Variants in LARP1B observed in about 807,000 individuals in gnomAD.
LARP1B encodes the protein la-related protein 1B.
A neutral mutation model predicts 114.2 loss-of-function variants in LARP1B; 76 were observed. The observed-to-expected ratio is 0.67, with a 90% CI of 0.55 to 0.81. The LOEUF is 0.81. Among genes scored for constraint, LARP1B ranks in the 30% least tolerant of loss-of-function variants. The pLI is 0.00. For missense variants in LARP1B, 1,014 were observed against 1,075.8 expected (o/e 0.94, Z 0.80); for synonymous variants, 345 against 348.0 (o/e 0.99, Z 0.10).
intron 11 of LARP1B, among the ~76,000 whole-genome samples, chr4:128,126,233 T>C (rs541562763): frequency 4.0e-5 from 6 of 150,998 alleles, no homozygotes; most frequent in African/African-American, 1.2e-4. Context: ...GTGATTCTCC[T>C]GCCTCAGCCT....
chr4:128,150,913 T>C (rs1333075543), intron 11 of LARP1B, among the ~76,000 whole-genome samples: 1 of 152,226 alleles, frequency 6.6e-6, no homozygotes, highest in African/African-American at 2.4e-5. Flanking sequence ...AAGCTTCTTC[T>C]TTCTAGTCAG....
chr4:128,079,916 C>A (rs1015211194), intron 4 of LARP1B, among the ~76,000 whole-genome samples: 1 of 151,936 alleles, frequency 6.6e-6, no homozygotes, highest in East Asian at 1.9e-4. Flanking sequence ...TTCCTACATA[C>A]GTAAGTAGTG....
At chr4:128,102,795 G>A (rs1197147266) in intron 8 of LARP1B, among the ~76,000 whole-genome samples, 6 of 152,112 alleles carry the variant, frequency 3.9e-5, no homozygotes, top group Admixed American at 3.3e-4. Context: ...TTAAAATATA[G>A]CAAATAATAC....
chr4:128,178,551 C>A lies in LARP1B; in HGVS notation c.1805C>A (p.Pro602His). Reference sequence around the variant, plus strand: ...CCTAGAATTCATCCTACAAGAACACCCAAAACACCTCGAACACCTAGGTTA... The same window carrying A: ...CCTAGAATTCATCCTACAAGAACACACAAAACACCTCGAACACCTAGGTTA... ...ESPRIHPTRT[P>H]KTPRTPRLQD... Residue 602 changes from proline to histidine, a missense_variant, in exon 14 of 20, where the codon CCC (proline) becomes CAC (histidine). Coordinates refer to ENST00000326639, the MANE Select transcript of LARP1B (RefSeq NM_018078.4). 1 of 1,613,980 alleles carries A rather than the reference C, an allele frequency of 6.2e-7. No individual in the cohort carries two copies.
intron 15 of LARP1B, among the ~76,000 whole-genome samples, chr4:128,196,612 G>A (rs780855675): frequency 6.7e-6 from 1 of 148,342 alleles, no homozygotes; most frequent in East Asian, 2.0e-4. Context: ...TTTTTTTTTC[G>A]GACACGGAGT....
At chr4:128,219,386 GA>G (rs1314905605) in intron 6 of LARP1B, among the ~76,000 whole-genome samples, 6 of 72,218 alleles carry the variant, frequency 8.3e-5, no homozygotes, top group African/African-American at 3.3e-4. Context: ...CAAAGACTTG[GA>G]ACCAACCCAA....
At chr4:128,065,777 ATATT>A in intron 1 of LARP1B, among the ~76,000 whole-genome samples, 1 of 152,028 alleles carries the variant, frequency 6.6e-6, no homozygotes, top group Non-Finnish European at 1.5e-5. Context: ...TTCCATTTAT[ATATT>A]TATTTAATAT....
intron 10 of LARP1B, among the ~76,000 whole-genome samples, chr4:128,115,181 C>A (rs911153029): frequency 1.2e-4 from 19 of 152,274 alleles, no homozygotes; most frequent in African/African-American, 4.3e-4. Flanking sequence ...CATGATCCGC[C>A]CGCCTCGTCC....
intron 11 of LARP1B, chr4:128,122,726 T>G (rs1167964827): frequency 7.8e-7 from 1 of 1,275,498 alleles, no homozygotes; most frequent in Non-Finnish European, 9.9e-7. Flanking sequence ...TCTCTCTTGG[T>G]CTAGTCATTA....
intron 7 of LARP1B, among the ~76,000 whole-genome samples, chr4:128,094,148 A>G (rs1776975037): frequency 6.6e-6 from 1 of 151,194 alleles, no homozygotes; most frequent in Non-Finnish European, 1.5e-5. Flanking sequence ...GCTGGTCTCG[A>G]ACTCCTGACC....
In LARP1B at chr4:128,096,880, G is replaced by A. The variant is rs567147552; in HGVS notation, c.669-1306G>A. ...CTCCCAAAGTGCTGGGATTACAGGC[G>A]TGAGCCACCATGCCTGGCTAACGTC... is the stretch of plus-strand genomic sequence containing the variant. On this transcript the variant is annotated intron_variant, in intron 7 of 19. Coordinates refer to ENST00000326639, the MANE Select transcript of LARP1B (RefSeq NM_018078.4). Among the ~76,000 whole-genome samples, 16 of 152,064 alleles carry A rather than the reference G, an allele frequency of 1.1e-4. No homozygotes were observed. In the East Asian group the frequency reaches 2.7e-3, roughly 26 times the overall value.
intron 7 of LARP1B, chr4:128,093,106 G>A: frequency 5.4e-6 from 5 of 934,494 alleles, no homozygotes; most frequent in Non-Finnish European, 6.4e-6. Flanking sequence ...TTTTTTTGTT[G>A]TTGTTCTAGC....
intron 6 of LARP1B, among the ~76,000 whole-genome samples, chr4:128,219,703 C>A (rs887910071): frequency 2.8e-5 from 4 of 141,406 alleles, no homozygotes; most frequent in African/African-American, 7.9e-5. Flanking sequence ...CTAGATGACG[C>A]GTTAGTGGGT....
chr4:128,107,810 T>C, intron 9 of LARP1B: 1 of 1,531,594 alleles, frequency 6.5e-7, no homozygotes, highest in East Asian at 2.4e-5. Context: ...AGATTTAATG[T>C]TAATAATTTT....
At chr4:128,158,991 G>A (rs1737104330) in intron 11 of LARP1B, among the ~76,000 whole-genome samples, 1 of 149,454 alleles carries the variant, frequency 6.7e-6, no homozygotes, top group Non-Finnish European at 1.5e-5. Flanking sequence ...GCAACATAGT[G>A]AGACTTCATC....
intron 12 of LARP1B, among the ~76,000 whole-genome samples, chr4:128,176,267 ATATG>A (rs1418391113): frequency 9.2e-6 from 1 of 108,626 alleles, no homozygotes; most frequent in Non-Finnish European, 1.8e-5. Flanking sequence ...ATATATACAC[ATATG>A]TGTGTGTGTG....
At chr4:128,171,238 A>G (rs920457215) in intron 12 of LARP1B, among the ~76,000 whole-genome samples, 3 of 151,764 alleles carry the variant, frequency 2.0e-5, no homozygotes, top group Non-Finnish European at 4.4e-5. Context: ...AAGCAATCCT[A>G]CCACCTCAGC....
At chr4:128,062,054 C>T in intron 1 of LARP1B, 4 of 985,362 alleles carry the variant, frequency 4.1e-6, no homozygotes, top group Non-Finnish European at 4.8e-6. Context: ...GCTGCGGGAT[C>T]CGCCGGCCGA....
chr4:128,140,952 A>T (rs1008860940), intron 11 of LARP1B, among the ~76,000 whole-genome samples: 1 of 151,604 alleles, frequency 6.6e-6, no homozygotes, highest in Non-Finnish European at 1.5e-5. Flanking sequence ...AGTAGCTGGG[A>T]TTACAGGCAT....
Sources: gnomAD v4.1 joint callset for allele counts (sites outside exome capture counted in the v4.1 genomes callset) on GRCh38, gnomAD v4.1.1 for gene constraint, MANE v1.5 for transcripts, NCBI Gene and HGNC (gene_info 2026-07-23, HGNC 2026-07-21) for gene names.